CFAP77: variants seen among roughly 807,000 people sequenced by gnomAD.
CFAP77 encodes the protein cilia and flagella associated protein 77, also known as cilia- and flagella-associated protein 77.
In CFAP77, 25 loss-of-function variants were observed where a neutral mutation model predicts 31.1. That is an observed-to-expected ratio of 0.80 (90% CI 0.59 to 1.12). CFAP77 has a LOEUF of 1.12. CFAP77 is among the 50% of genes most tolerant of loss of function. CFAP77 has a pLI of 0.00. For synonymous variants in CFAP77, 151 were observed against 159.9 expected (o/e 0.94, Z 0.42); for missense variants, 377 against 397.3 (o/e 0.95, Z 0.44).
At chr9:132,483,827 C>T (rs1195579431) in intron 1 of CFAP77, among the ~76,000 whole-genome samples, 1 of 152,116 alleles carries the variant, frequency 6.6e-6, no homozygotes, top group Non-Finnish European at 1.5e-5. Context: ...GAGCAGCAGT[C>T]ACTTTGTCTG....
chr9:132,535,829 G>A (rs1852531916), intron 3 of CFAP77, among the ~76,000 whole-genome samples: 1 of 152,046 alleles, frequency 6.6e-6, no homozygotes, highest in African/African-American at 2.4e-5. Context: ...GTTATTTGGG[G>A]TAGATGCTAA....
chr9:132,467,132 C>T (rs1000880828), intron 1 of CFAP77, among the ~76,000 whole-genome samples: 1 of 152,182 alleles, frequency 6.6e-6, no homozygotes, highest in Admixed American at 6.5e-5. Flanking sequence ...GAGCCGAGAT[C>T]GCACTACTGC....
rs756204711 is a variant in CFAP77 at position 132,522,088 on chromosome 9, C to CT, written c.525-15512dup. Among the ~76,000 whole-genome samples, 31 of 152,050 alleles carry CT rather than the reference C, an allele frequency of 2.0e-4. 1 individual carries two copies. The highest frequency in any genetic ancestry group is 9.2e-4 in the Admixed American group (14 of 15,254). On this transcript the variant is annotated intron_variant, in intron 3 of 5. Transcript: ENST00000393216. ...CAGACTTGCATTTTTTTAAAAAGCC[C>CT]TGGCTCCTATGAGGAGCAGGGGGCC...
chr9:132,548,961 G>C (rs1011816088), intron 5 of CFAP77, among the ~76,000 whole-genome samples: 1 of 152,104 alleles, frequency 6.6e-6, no homozygotes, highest in African/African-American at 2.4e-5. Context: ...ACCCTGCTTC[G>C]GGTCTCCTGG....
At chr9:132,542,891 G>GC in intron 4 of CFAP77, 55 bp from the exon 5 acceptor site, 1 of 1,377,642 alleles carries the variant, frequency 7.3e-7, no homozygotes, top group Non-Finnish European at 1.0e-6. Context: ...CTTCAGCACG[G>GC]CCTTCTCCAA....
At position 132,499,381 on chromosome 9, in the gene CFAP77, G is replaced by A. The variant is rs373320127; in HGVS notation, c.305G>A (p.Arg102His). Residue 102 changes from arginine (R) to histidine (H), a missense_variant, in exon 3 of 6, where the codon CGC (arginine) becomes CAC (histidine). Arg to His is a conservative substitution (Grantham distance 29). Transcript: ENST00000393216. The surrounding 1 kb of genome is among the most constrained non-coding windows in gnomAD (Gnocchi z 5.4). ...CTCTCCCTGCCCTCAGCCATCGGAC[G>A]CTGGAACGTGTTCAAGCAGCAGCCC... ...LDGGVPEAIGRWNVFKQQPTC... is the reference protein window; with the variant it reads ...LDGGVPEAIGHWNVFKQQPTC... 56 of 1,614,006 alleles carry A rather than the reference G, an allele frequency of 3.5e-5. No homozygotes were observed. Among genetic ancestry groups the A allele is most frequent in the African/African-American group, 2.1e-4 (16 of 75,030 alleles).
At chr9:132,472,128 C>A (rs1357812574) in intron 1 of CFAP77, among the ~76,000 whole-genome samples, 4 of 151,908 alleles carry the variant, frequency 2.6e-5, no homozygotes, top group Non-Finnish European at 4.4e-5. Flanking sequence ...CACATGTTTT[C>A]TCCTTTCTGT....
At chr9:132,556,183 G>A (rs914353068) in intron 5 of CFAP77, among the ~76,000 whole-genome samples, 1 of 152,132 alleles carries the variant, frequency 6.6e-6, no homozygotes, top group Non-Finnish European at 1.5e-5. Flanking sequence ...TCTAGGGGCC[G>A]TCCCATTCAC....
intron 3 of CFAP77, chr9:132,513,384 G>C: frequency 6.6e-7 from 1 of 1,519,810 alleles, no homozygotes; most frequent in South Asian, 1.3e-5. Flanking sequence ...TAATATTGAA[G>C]AAATAAAACG....
intron 3 of CFAP77, among the ~76,000 whole-genome samples, chr9:132,507,697 C>T (rs11243799): frequency 0.076 from 11,634 of 152,160 alleles, 611 homozygotes; most frequent in South Asian, 0.16. Context: ...TCCAAGCCAC[C>T]CACCCAAGCT....
In CFAP77 at chr9:132,565,931, T is replaced by C. The variant is rs372433533; in HGVS notation, c.733-6457T>C. Among the ~76,000 whole-genome samples, 13 of 152,352 alleles carry C rather than the reference T, an allele frequency of 8.5e-5. No individual in the cohort carries two copies. The highest frequency in any genetic ancestry group is 2.6e-4 in the African/African-American group (11 of 41,588). ...GGCACTTGCCTCTTATTTACCTGCA[T>C]TGACCTTAGAGCAGCTCAGAGCTCC... On this transcript the variant is annotated intron_variant, in intron 5 of 5. Transcript: ENST00000393216. The surrounding 1 kb of genome is among the most constrained non-coding windows in gnomAD (Gnocchi z 4.1).
chr9:132,432,756 T>C (rs1462556217), intron 1 of CFAP77, among the ~76,000 whole-genome samples: 2 of 148,940 alleles, frequency 1.3e-5, no homozygotes, highest in Non-Finnish European at 1.5e-5. Flanking sequence ...CTCTGTCGCC[T>C]GGGCTGGAGT....
chr9:132,492,001 AC>A (rs1851660708), intron 1 of CFAP77, among the ~76,000 whole-genome samples: 1 of 152,216 alleles, frequency 6.6e-6, no homozygotes, highest in Non-Finnish European at 1.5e-5. Context: ...TGAACAGTAG[AC>A]TTTTGCCAGG....
chr9:132,566,916 G>A (rs1264032742), intron 5 of CFAP77, among the ~76,000 whole-genome samples: 1 of 152,154 alleles, frequency 6.6e-6, no homozygotes, highest in Admixed American at 6.5e-5. Flanking sequence ...AGATTGTCTC[G>A]ATTTCCTTCA....
intron 1 of CFAP77, among the ~76,000 whole-genome samples, chr9:132,469,835 G>A (rs949389538): frequency 2.9e-5 from 4 of 135,734 alleles, no homozygotes; most frequent in South Asian, 2.2e-4. Flanking sequence ...CAGTTGCTCC[G>A]TGATTTTTTT....
At chr9:132,533,363 A>G (rs367744986) in intron 3 of CFAP77, among the ~76,000 whole-genome samples, 1 of 152,082 alleles carries the variant, frequency 6.6e-6, no homozygotes, top group Non-Finnish European at 1.5e-5. Context: ...ACAAATTACC[A>G]TGAACTTGGT....
chr9:132,458,355 G>GTGT (rs1328332754), intron 1 of CFAP77, among the ~76,000 whole-genome samples: 10 of 133,738 alleles, frequency 7.5e-5, no homozygotes, highest in African/African-American at 2.3e-4. Context: ...GGGAGGGGGG[G>GTGT]GGGTGTGTAT....
In CFAP77 at chr9:132,563,250, G is replaced by A. The variant is rs577297819; in HGVS notation, c.733-9138G>A. On this transcript the variant is annotated intron_variant, in intron 5 of 5. Transcript: ENST00000393216. Reference sequence around the variant, plus strand: ...GGCTGCTCTCGAACTTCGAGTTTAAGCGATTCTCCTGCCTCAGCCTCCCAA... The same window carrying A: ...GGCTGCTCTCGAACTTCGAGTTTAAACGATTCTCCTGCCTCAGCCTCCCAA... 9.2e-5 allele frequency among the ~76,000 whole-genome samples: 14 copies of A among 152,236 alleles called. No individual in the cohort carries two copies. The South Asian group carries it at 2.9e-3, about 32-fold the overall frequency.
rs981188123 is a variant in CFAP77 at position 132,480,559 on chromosome 9, T to C, written c.196-18136T>C. ...CAGCAAATGAGACAGGTCTGTCCCG[T>C]GCTCACCCAGCTGACCTGCCGCAGA... is the stretch of plus-strand genomic sequence containing the variant. On this transcript the variant is annotated intron_variant, in intron 1 of 5. Transcript: ENST00000393216. The surrounding 1 kb of genome is among the most constrained non-coding windows in gnomAD (Gnocchi z 5.8). 6.6e-6 allele frequency among the ~76,000 whole-genome samples: 1 copy of C among 152,190 alleles called. No individual in the cohort carries two copies. The highest frequency in any genetic ancestry group is 2.4e-5 in the African/African-American group (1 of 41,438).
Sources: allele counts gnomAD v4.1 joint callset (sites outside exome capture counted in the v4.1 genomes callset), GRCh38; gene constraint gnomAD v4.1.1; non-coding constraint Gnocchi (gnomAD v3.1); transcripts MANE v1.5; gene names NCBI Gene and HGNC (gene_info 2026-07-23, HGNC 2026-07-21).